The following FGF14 variants were observed in gnomAD, a reference collection of about 807,000 sequenced individuals.
FGF14 encodes fibroblast growth factor 14, also known as fibroblast growth factor homologous factor 4.
In FGF14, 5 loss-of-function variants were observed where a neutral mutation model predicts 25.5. That is an observed-to-expected ratio of 0.20 (90% CI 0.10 to 0.41). The LOEUF is 0.41. Among genes scored for constraint, FGF14 ranks in the 10% least tolerant of loss-of-function variants. The pLI, the probability that FGF14 is intolerant of heterozygous loss-of-function variation, is 1.00. For missense variants in FGF14, 222 were observed against 320.1 expected (o/e 0.69, Z 2.34); for synonymous variants, 138 against 118.3 (o/e 1.17, Z -1.08).
chr13:102,113,703 T>C (rs547127032), intron 1 of FGF14, among the ~76,000 whole-genome samples: 4 of 152,174 alleles, frequency 2.6e-5, no homozygotes, highest in South Asian at 2.1e-4. Flanking sequence ...TGAGAACCAC[T>C]GGTCAAAGGG....
At chr13:101,797,891 G>A (rs188853730) in intron 3 of FGF14, among the ~76,000 whole-genome samples, 186 of 152,080 alleles carry the variant, frequency 1.2e-3, no homozygotes, top group African/African-American at 4.3e-3. Context: ...TCATTGTCTT[G>A]AAGTTGTTTC....
At chr13:101,811,471 C>T (rs1173250967) in intron 3 of FGF14, among the ~76,000 whole-genome samples, 3 of 152,088 alleles carry the variant, frequency 2.0e-5, no homozygotes, top group Non-Finnish European at 4.4e-5. Flanking sequence ...CTGAATAATA[C>T]CCCATTGTTT....
At chr13:102,116,052 G>A (rs967075982) in intron 1 of FGF14, among the ~76,000 whole-genome samples, 7 of 152,156 alleles carry the variant, frequency 4.6e-5, no homozygotes, top group East Asian at 1.9e-4. Context: ...AGAAGTTGCG[G>A]TGAGCCGAGA....
At chr13:101,799,760 A>G (rs551307531) in intron 3 of FGF14, among the ~76,000 whole-genome samples, 3 of 152,224 alleles carry the variant, frequency 2.0e-5, no homozygotes, top group Admixed American at 1.3e-4. Flanking sequence ...AAAAAGATCA[A>G]TGGAAGGACA....
At chr13:102,108,642 T>G (rs979383701) in intron 1 of FGF14, among the ~76,000 whole-genome samples, 1 of 152,196 alleles carries the variant, frequency 6.6e-6, no homozygotes, top group Non-Finnish European at 1.5e-5. Context: ...TGCAAGGGTG[T>G]GTATATAAGT....
intron 1 of FGF14, among the ~76,000 whole-genome samples, chr13:102,006,928 T>A (rs1377478973): frequency 6.6e-6 from 1 of 150,674 alleles, no homozygotes; most frequent in Admixed American, 6.6e-5. Context: ...GTATTTTTAG[T>A]AGAGACGGGG....
At chr13:102,321,359 C>T (rs1216254168) in intron 1 of FGF14, among the ~76,000 whole-genome samples, 6 of 151,920 alleles carry the variant, frequency 3.9e-5, no homozygotes, top group Non-Finnish European at 1.5e-5. Flanking sequence ...TATGGAGTTA[C>T]TATATAATTT....
rs1219327634 is a variant in FGF14, at chr13:102,367,877, CAT to C, written c.208+33592_208+33593del. The C allele has an allele frequency of 2.6e-5, 4 of 152,438 alleles. No homozygotes were observed. In the East Asian group the frequency reaches 7.7e-4, roughly 29 times the overall value. The allele number at this position is 152,438 out of a possible 1,614,324, so 9.4% of individuals were successfully genotyped here. ...CAGCCTGCCCACGGTGCGGTGAGCC[CAT>C]GTGACTAGACCCCGGACGATGGACT... On this transcript the variant is annotated intron_variant, in intron 1 of 4. Coordinates refer to the FGF14 transcript ENST00000376131.
At chr13:101,750,377 G>T (rs536941641) in intron 3 of FGF14, among the ~76,000 whole-genome samples, 1 of 152,208 alleles carries the variant, frequency 6.6e-6, no homozygotes, top group South Asian at 2.1e-4. Context: ...AAAAAAAAAT[G>T]CAGGATGAAC....
chr13:101,931,874 T>C, intron 1 of FGF14, among the ~76,000 whole-genome samples: 1 of 152,206 alleles, frequency 6.6e-6, no homozygotes, highest in East Asian at 1.9e-4. Flanking sequence ...TATTAGAAAT[T>C]AGTTTATTAT....
At chr13:102,138,762 A>G (rs1311221376) in intron 1 of FGF14, among the ~76,000 whole-genome samples, 2 of 152,218 alleles carry the variant, frequency 1.3e-5, no homozygotes, top group Non-Finnish European at 2.9e-5. Flanking sequence ...ATTTCTAGCA[A>G]TAAATGTGCC....
intron 3 of FGF14, among the ~76,000 whole-genome samples, chr13:101,797,573 T>C (rs1342556945): frequency 6.6e-6 from 1 of 152,084 alleles, no homozygotes; most frequent in African/African-American, 2.4e-5. Context: ...GCGCATCATA[T>C]TAGCAGGCTG....
chr13:101,996,289 T>C (rs2039181426), intron 1 of FGF14, among the ~76,000 whole-genome samples: 1 of 152,118 alleles, frequency 6.6e-6, no homozygotes, highest in Non-Finnish European at 1.5e-5. Flanking sequence ...CAGACCTTGA[T>C]GTTGGAGCTC....
chr13:102,192,878 A>G (rs1280552806), intron 1 of FGF14, among the ~76,000 whole-genome samples: 1 of 152,146 alleles, frequency 6.6e-6, no homozygotes, highest in Non-Finnish European at 1.5e-5. Context: ...ATATTATTAT[A>G]TCTCTAGAAA....
chr13:102,003,913 T>C (rs1276167518), intron 1 of FGF14, among the ~76,000 whole-genome samples: 1 of 152,154 alleles, frequency 6.6e-6, no homozygotes, highest in Non-Finnish European at 1.5e-5. Context: ...AGTGATCAAA[T>C]GGAGAAGAAA....
chr13:101,797,657 T>C (rs1483326940), intron 3 of FGF14, among the ~76,000 whole-genome samples: 1 of 151,906 alleles, frequency 6.6e-6, no homozygotes, highest in African/African-American at 2.4e-5. Flanking sequence ...ATTTGTTCAT[T>C]ATGAAAATGT....
intron 1 of FGF14, among the ~76,000 whole-genome samples, chr13:102,175,908 CA>C (rs1184905691): frequency 1.3e-5 from 2 of 151,434 alleles, no homozygotes; most frequent in Non-Finnish European, 2.9e-5. Flanking sequence ...ATTAAAAGGT[CA>C]AAAAATAATA....
At chr13:101,914,413 C>T (rs2033265121) in intron 1 of FGF14, among the ~76,000 whole-genome samples, 1 of 151,824 alleles carries the variant, frequency 6.6e-6, no homozygotes, top group Non-Finnish European at 1.5e-5. Flanking sequence ...AAAAAATTCT[C>T]ATACAATTTC....
At chr13:102,095,995 G>GTT (rs1283652084) in intron 1 of FGF14, among the ~76,000 whole-genome samples, 1 of 93,560 alleles carries the variant, frequency 1.1e-5, no homozygotes, top group African/African-American at 3.1e-5. Flanking sequence ...GTGTGTGTGT[G>GTT]TGTGTGTATA....
Sources: gnomAD v4.1 joint callset for allele counts (sites outside exome capture counted in the v4.1 genomes callset) on GRCh38, gnomAD v4.1.1 for gene constraint, MANE v1.5 for transcripts, NCBI Gene and HGNC (gene_info 2026-07-23, HGNC 2026-07-21) for gene names.